DLG2: variants seen among roughly 807,000 people sequenced by gnomAD.
The protein encoded by DLG2 is disks large homolog 2.
DLG2 carries 45 observed loss-of-function variants against 132.5 expected under a neutral mutation model. That is an observed-to-expected ratio of 0.34 (90% CI 0.27 to 0.44). The LOEUF is 0.44. Ranked by LOEUF, DLG2 falls within the 20% of genes least tolerant of loss-of-function variation. The probability of loss-of-function intolerance (pLI) is 1.00; values close to 1 mark genes in which losing one functional copy is unlikely to be tolerated. For missense variants in DLG2, 1,045 were observed against 1,196.9 expected, an observed-to-expected ratio of 0.87 and a Z score of 1.87; for synonymous variants, 424 against 419.6, an observed-to-expected ratio of 1.01 and a Z score of -0.13.
At chr11:84,821,005 A>C (rs1326058126) in intron 6 of DLG2, among the ~76,000 whole-genome samples, 1 of 151,924 alleles carries the variant, frequency 6.6e-6, no homozygotes, top group East Asian at 1.9e-4. Context: ...GATAGACTGT[A>C]AATGCAGTAG....
Position 85,037,912 on chromosome 11 carries a change from G to T in DLG2, c.357+73749C>A, listed in dbSNP as rs137937735. On this transcript the variant is annotated intron_variant, in intron 6 of 27. Coordinates refer to ENST00000376104, the MANE Select transcript of DLG2 (RefSeq NM_001142699.3). ...AATATGGGTCATGTCTGAGTATGTG[G>T]CATATTGGAAATAATCTGGTTAATG... 3.9e-4 allele frequency among the ~76,000 whole-genome samples: 59 copies of T among 152,156 alleles called. 2 individuals carry two copies. The highest frequency in any genetic ancestry group is 1.3e-3 in the African/African-American group (53 of 41,512).
chr11:84,278,652 C>T (rs1243485654), intron 7 of DLG2, among the ~76,000 whole-genome samples: 3 of 151,880 alleles, frequency 2.0e-5, no homozygotes, highest in African/African-American at 7.3e-5. Flanking sequence ...AGGCTTTATC[C>T]TGGGAATACG....
chr11:85,273,535 C>T (rs926902926), intron 4 of DLG2, among the ~76,000 whole-genome samples: 22 of 152,164 alleles, frequency 1.4e-4, no homozygotes, highest in African/African-American at 5.3e-4. Flanking sequence ...CAGAGAAATG[C>T]AAACCAAAAC....
intron 7 of DLG2, among the ~76,000 whole-genome samples, chr11:84,401,068 G>C (rs1417297042): frequency 6.6e-6 from 1 of 151,950 alleles, no homozygotes; most frequent in Non-Finnish European, 1.5e-5. Flanking sequence ...AGCCCTATCG[G>C]GTTAGTATTT....
intron 21 of DLG2, among the ~76,000 whole-genome samples, chr11:83,526,214 G>A (rs2095605768): frequency 6.6e-6 from 1 of 152,150 alleles, no homozygotes; most frequent in Non-Finnish European, 1.5e-5. Flanking sequence ...CGGGACAAAT[G>A]TCCAAGGATG....
chr11:84,809,768 T>C (rs982993109), intron 6 of DLG2, among the ~76,000 whole-genome samples: 2 of 151,954 alleles, frequency 1.3e-5, no homozygotes, highest in Non-Finnish European at 2.9e-5. Context: ...GAAGTGTATA[T>C]GAAAATACAA....
At chr11:84,951,442 T>G (rs1478765083) in intron 6 of DLG2, among the ~76,000 whole-genome samples, 2 of 152,134 alleles carry the variant, frequency 1.3e-5, no homozygotes, top group African/African-American at 4.8e-5. Flanking sequence ...GGTATATGTT[T>G]GTAATTAGGG....
intron 18 of DLG2, among the ~76,000 whole-genome samples, chr11:83,726,415 C>A (rs1193048027): frequency 6.6e-6 from 1 of 152,132 alleles, no homozygotes; most frequent in Admixed American, 6.6e-5. Context: ...TCCCTCCCCA[C>A]ACAAAAATAT....
At chr11:85,518,557 G>T (rs73499135) in intron 3 of DLG2, among the ~76,000 whole-genome samples, 1,740 of 152,280 alleles carry the variant, frequency 0.011, 30 homozygotes, top group African/African-American at 0.04. Flanking sequence ...AATTTTATAA[G>T]GGAAGCAGAG....
rs534659758 is a variant in DLG2, at chr11:83,779,994, A to G, written c.1825+6696T>C. On this transcript the variant is annotated intron_variant, in intron 18 of 27. Transcript: ENST00000376104. ...CTTTCTGTTCTGAAAGCTTACTTAA[A>G]TGTTCTCTGATGATTCTGATGCAAT... Among the ~76,000 whole-genome samples, 12 of 152,226 alleles carry G rather than the reference A, an allele frequency of 7.9e-5. No individual in the cohort carries two copies. In the South Asian group the frequency reaches 2.5e-3, roughly 32 times the overall value.
At chr11:85,607,289 G>T (rs906106849) in intron 2 of DLG2, among the ~76,000 whole-genome samples, 1 of 152,174 alleles carries the variant, frequency 6.6e-6, no homozygotes, top group Non-Finnish European at 1.5e-5. Context: ...GCATTGGTTT[G>T]CCTGGAACCA....
At chr11:83,858,632 T>A (rs1207179288) in intron 16 of DLG2, among the ~76,000 whole-genome samples, 4 of 152,104 alleles carry the variant, frequency 2.6e-5, no homozygotes, top group African/African-American at 9.7e-5. Flanking sequence ...GGCCCTTGAG[T>A]AAATTGAAAG....
intron 6 of DLG2, among the ~76,000 whole-genome samples, chr11:84,549,179 T>C (rs537020170): frequency 6.6e-6 from 1 of 152,308 alleles, no homozygotes; most frequent in East Asian, 1.9e-4. Context: ...GGGAATAAAT[T>C]TGCTGGAGAG....
chr11:84,652,992 C>A (rs190082866), intron 6 of DLG2, among the ~76,000 whole-genome samples: 2 of 149,014 alleles, frequency 1.3e-5, no homozygotes, highest in African/African-American at 5.0e-5. Context: ...AGTGCAGTGG[C>A]GTGATCTCAA....
At chr11:84,299,271 G>A (rs2098126876) in intron 7 of DLG2, among the ~76,000 whole-genome samples, 1 of 152,170 alleles carries the variant, frequency 6.6e-6, no homozygotes, top group African/African-American at 2.4e-5. Flanking sequence ...AAATCAGTAA[G>A]TGATACAAAT....
intron 6 of DLG2, among the ~76,000 whole-genome samples, chr11:84,850,605 G>A (rs974770224): frequency 6.6e-6 from 1 of 152,022 alleles, no homozygotes; most frequent in Non-Finnish European, 1.5e-5. Context: ...AAAGGATGAA[G>A]TAAACTTAAC....
At chr11:84,249,268 A>G (rs1204373410) in intron 8 of DLG2, among the ~76,000 whole-genome samples, 4 of 152,200 alleles carry the variant, frequency 2.6e-5, no homozygotes, top group African/African-American at 9.7e-5. Context: ...TTCATATATA[A>G]ATGGATCCCT....
chr11:84,966,974 A>G (rs116541894), intron 6 of DLG2, among the ~76,000 whole-genome samples: 40 of 152,226 alleles, frequency 2.6e-4, no homozygotes, highest in African/African-American at 8.9e-4. Flanking sequence ...TTTGCCCTCC[A>G]TTGGTCTGGG....
At chr11:84,805,644 T>C (rs1401989490) in intron 6 of DLG2, among the ~76,000 whole-genome samples, 1 of 152,176 alleles carries the variant, frequency 6.6e-6, no homozygotes, top group Admixed American at 6.5e-5. Flanking sequence ...GCTCCAGCAA[T>C]ATGAATTAAC....
Sources: allele counts gnomAD v4.1 joint callset (sites outside exome capture counted in the v4.1 genomes callset), GRCh38; gene constraint gnomAD v4.1.1; transcripts MANE v1.5; gene names NCBI Gene and HGNC (gene_info 2026-07-23, HGNC 2026-07-21).